The following SRGAP1 variants were observed in gnomAD, a reference collection of about 807,000 sequenced individuals.
SRGAP1 encodes the protein SLIT-ROBO Rho GTPase activating protein 1.
A neutral mutation model predicts 121.9 loss-of-function variants in SRGAP1; 43 were observed. The ratio of observed to expected loss-of-function variants is 0.35; its 90% CI spans 0.28 to 0.46. SRGAP1 has a LOEUF of 0.46. Ranked by LOEUF, SRGAP1 falls within the 20% of genes least tolerant of loss-of-function variation. The pLI is 1.00. For missense variants in SRGAP1, 1,102 were observed against 1,350.9 expected (o/e 0.82, Z 2.89); for synonymous variants, 447 against 485.4 (o/e 0.92, Z 1.04).
intron 1 of SRGAP1, among the ~76,000 whole-genome samples, chr12:63,877,166 G>A (rs1900055052): frequency 6.6e-6 from 1 of 152,194 alleles, no homozygotes; most frequent in South Asian, 2.1e-4. Context: ...CAAGGTTTCA[G>A]TGAGCCGAGA....
intron 10 of SRGAP1, chr12:64,082,019 T>TTTTTC (rs1555172499): frequency 6.9e-6 from 1 of 145,088 alleles, no homozygotes. Flanking sequence ...TTTTTTTTTT[T>TTTTTC]TTTCAATTTT....
intron 1 of SRGAP1, among the ~76,000 whole-genome samples, chr12:63,947,236 A>G (rs1343158683): frequency 1.3e-5 from 2 of 152,150 alleles, no homozygotes; most frequent in Non-Finnish European, 2.9e-5. Flanking sequence ...TGATGGTACC[A>G]TTTTACAATT....
At chr12:63,916,032 C>T (rs866248957) in intron 1 of SRGAP1, among the ~76,000 whole-genome samples, 30 of 125,188 alleles carry the variant, frequency 2.4e-4, no homozygotes, top group African/African-American at 6.0e-4. Flanking sequence ...CTTTTCTTTT[C>T]TTTTTTTTTT....
intron 1 of SRGAP1, among the ~76,000 whole-genome samples, chr12:63,960,440 A>C (rs1271037830): frequency 2.0e-5 from 3 of 151,996 alleles, no homozygotes; most frequent in Admixed American, 2.0e-4. Flanking sequence ...CTCTACCCCC[A>C]GTCTGACCTT....
At chr12:64,075,497 G>T (rs948048385) in intron 8 of SRGAP1, among the ~76,000 whole-genome samples, 4 of 152,220 alleles carry the variant, frequency 2.6e-5, no homozygotes, top group Non-Finnish European at 4.4e-5. Flanking sequence ...TTTATGGCCA[G>T]ATTTTGGGGG....
intron 6 of SRGAP1, among the ~76,000 whole-genome samples, chr12:64,062,664 G>A (rs1043310427): frequency 2.6e-5 from 4 of 152,142 alleles, no homozygotes; most frequent in African/African-American, 7.2e-5. Flanking sequence ...CTATAGGTGC[G>A]TGCCACCATG....
chr12:63,861,302 A>ATTT (rs71457100), intron 1 of SRGAP1, among the ~76,000 whole-genome samples: 20 of 132,628 alleles, frequency 1.5e-4, no homozygotes, highest in African/African-American at 3.4e-4. Context: ...ATATATATAT[A>ATTT]TTTTTTTTTT....
intron 6 of SRGAP1, among the ~76,000 whole-genome samples, chr12:64,055,818 G>A (rs1276336653): frequency 6.6e-6 from 1 of 151,956 alleles, no homozygotes; most frequent in Non-Finnish European, 1.5e-5. Context: ...CTTTTTGGCT[G>A]GACTTCTGAA....
At chr12:64,055,210 C>T (rs1252308647) in intron 6 of SRGAP1, among the ~76,000 whole-genome samples, 2 of 146,970 alleles carry the variant, frequency 1.4e-5, no homozygotes, top group Non-Finnish European at 3.0e-5. Flanking sequence ...ACACCAGCAA[C>T]AGACAAACAG....
chr12:63,862,218 T>C (rs1449389958), intron 1 of SRGAP1, among the ~76,000 whole-genome samples: 3 of 152,186 alleles, frequency 2.0e-5, no homozygotes, highest in Non-Finnish European at 4.4e-5. Flanking sequence ...TCAAAACTAG[T>C]GAGATGCAGC....
chr12:64,052,769 T>A (rs1188740391), intron 6 of SRGAP1, among the ~76,000 whole-genome samples: 1 of 152,348 alleles, frequency 6.6e-6, no homozygotes, highest in Middle Eastern at 3.4e-3. Flanking sequence ...CATTATATAC[T>A]TTTAATGATT....
chr12:64,006,227 A>G (rs1275289977), intron 3 of SRGAP1, among the ~76,000 whole-genome samples: 1 of 152,194 alleles, frequency 6.6e-6, no homozygotes, highest in African/African-American at 2.4e-5. Context: ...CAGCAAGGAC[A>G]AGGCTCTGAA....
chr12:63,929,445 C>G (rs2031380389), intron 1 of SRGAP1, among the ~76,000 whole-genome samples: 1 of 152,208 alleles, frequency 6.6e-6, no homozygotes, highest in African/African-American at 2.4e-5. Flanking sequence ...GCTCCTCTTT[C>G]TAGCTGCATC....
At chr12:64,055,946 A>G (rs922262926) in intron 6 of SRGAP1, among the ~76,000 whole-genome samples, 1 of 152,068 alleles carries the variant, frequency 6.6e-6, no homozygotes, top group Non-Finnish European at 1.5e-5. Context: ...TTGTACATCA[A>G]CTCACTACTG....
rs111611651 is a variant in SRGAP1 at position 64,010,866 on chromosome 12, T to G, written c.427-6084T>G. ...TAGTTTGAACACAGGCACTTCAACG[T>G]TAGAGTTTGAACTCTTAGCCAGTAT... On this transcript the variant is annotated intron_variant, in intron 3 of 21. Transcript: ENST00000355086. 2.5e-3 allele frequency among the ~76,000 whole-genome samples: 379 copies of G among 151,662 alleles called. 4 individuals carry two copies. The highest frequency in any genetic ancestry group is 8.6e-3 in the African/African-American group (353 of 41,242).
chr12:63,923,478 A>G (rs1387495205), intron 1 of SRGAP1, among the ~76,000 whole-genome samples: 1 of 152,244 alleles, frequency 6.6e-6, no homozygotes, highest in Non-Finnish European at 1.5e-5. Context: ...GTGGTATCAA[A>G]GAATGATTTT....
rs766589926 is a variant in SRGAP1, at chr12:64,127,936, C to G, written c.2616C>G (p.His872Gln). ...GRTSDGHCPL[H>Q]PPHALSNSSV... ...CCAGTGATGGCCATTGCCCGCTCCA[C>G]CCTCCACATGCCCTTTCTAACTCCT... The change falls in exon 21 of 22, where the codon CAC becomes CAG. Residue 872 changes from histidine (H) to glutamine (Q), a missense_variant. His to Gln is a conservative substitution (Grantham distance 24). This residue lies in a region of SRGAP1 where 315 missense variants were observed against 343.1 expected (regional missense o/e 0.92). Transcript: ENST00000355086. 4 of 1,614,114 alleles carry G rather than the reference C, an allele frequency of 2.5e-6. No individual in the cohort carries two copies. In the African/African-American group the frequency reaches 5.3e-5, roughly 22 times the overall value.
At chr12:64,044,065 A>G (rs1256076443) in intron 6 of SRGAP1, among the ~76,000 whole-genome samples, 2 of 152,214 alleles carry the variant, frequency 1.3e-5, no homozygotes, top group East Asian at 3.8e-4. Flanking sequence ...TGCAAAATAG[A>G]GTGCACATAA....
chr12:64,073,089 C>T (rs554996272), intron 8 of SRGAP1, among the ~76,000 whole-genome samples: 1 of 152,230 alleles, frequency 6.6e-6, no homozygotes, highest in Non-Finnish European at 1.5e-5. Context: ...ATATTTGCCT[C>T]ATTATGTTCC....
Sources: gnomAD v4.1 joint callset for allele counts (sites outside exome capture counted in the v4.1 genomes callset) on GRCh38, gnomAD v4.1.1 for gene constraint, gnomAD v4.1.1 regional missense constraint, MANE v1.5 for transcripts, NCBI Gene and HGNC (gene_info 2026-07-23, HGNC 2026-07-21) for gene names.